The following NINL variants were observed in gnomAD, a reference collection of about 807,000 sequenced individuals.
The protein encoded by NINL is ninein-like protein.
NINL carries 153 observed loss-of-function variants against 160.3 expected under a neutral mutation model. That is an observed-to-expected ratio of 0.95 (90% CI 0.84 to 1.09). The LOEUF (loss-of-function observed/expected upper bound fraction) is 1.09. Ranked by LOEUF, NINL falls within the 50% of genes least tolerant of loss-of-function variation. NINL has a pLI of 0.00. For synonymous variants in NINL, 800 were observed against 734.8 expected (o/e 1.09, Z -1.43); for missense variants, 1,829 against 1,764.0 (o/e 1.04, Z -0.66).
intron 1 of NINL, among the ~76,000 whole-genome samples, chr20:25,537,641 C>T (rs1479204423): frequency 6.6e-6 from 1 of 152,204 alleles, no homozygotes; most frequent in Non-Finnish European, 1.5e-5. Context: ...TCAGGTAGCA[C>T]CACCCTCTGT....
In NINL at chr20:25,561,927, C is replaced by T. The variant is rs1451789415; in HGVS notation, c.-12+23528G>A. ...GGGGGTCAGCCCCCGCCAGGCCAGC[C>T]GCCCCGTCCGGGAGGGAGGTGGGGG... On this transcript the variant is annotated intron_variant, in intron 1 of 23. Transcript: ENST00000278886. 4.4e-4 allele frequency among the ~76,000 whole-genome samples: 66 copies of T among 150,734 alleles called. 1 individual carries two copies. Among genetic ancestry groups the T allele is most frequent in the Middle Eastern group, 3.5e-3 (1 of 286 alleles).
rs78850668 is a variant in NINL at position 25,560,859 on chromosome 20, G to A, written c.-12+24596C>T. ...CAAAGATAGTAAAAATATCTTTCACGAATTAAGGTGAAAGAAAGACATTCT... is the reference window on the plus strand; with the variant it reads ...CAAAGATAGTAAAAATATCTTTCACAAATTAAGGTGAAAGAAAGACATTCT... On this transcript the variant is annotated intron_variant, in intron 1 of 23. Transcript: ENST00000278886. Among the ~76,000 whole-genome samples the A allele has an allele frequency of 5.1e-4, 77 of 151,990 alleles. No individual in the cohort carries two copies. The East Asian group carries it at 7.1e-3, about 14-fold the overall frequency.
At chr20:25,461,835 G>T (rs1352142749) in intron 20 of NINL, among the ~76,000 whole-genome samples, 200 bp from the exon 21 acceptor site, 3 of 152,206 alleles carry the variant, frequency 2.0e-5, no homozygotes, top group Non-Finnish European at 2.9e-5. Context: ...TCCCTGGTGA[G>T]ACAGTGTCAG....
intron 1 of NINL, among the ~76,000 whole-genome samples, chr20:25,540,835 G>A (rs1320061955): frequency 6.6e-6 from 1 of 151,876 alleles, no homozygotes; most frequent in African/African-American, 2.4e-5. Context: ...CGCTTTAAGT[G>A]TTTTCATGGT....
rs200776600 is a variant in NINL, at chr20:25,573,071, C to T, written c.-12+12384G>A. ...CAGCACTTTGGGAGGCCGAGGCGGG[C>T]GGATCACCTGAGGTCTGAAGTTCCA... On this transcript the variant is annotated intron_variant, in intron 1 of 23. Transcript: ENST00000278886. Among the ~76,000 whole-genome samples, 42 of 152,112 alleles carry T rather than the reference C, an allele frequency of 2.8e-4. No homozygotes were observed. In the East Asian group the frequency reaches 5.8e-3, roughly 21 times the overall value.
intron 1 of NINL, among the ~76,000 whole-genome samples, chr20:25,531,686 G>GT (rs2064466996): frequency 6.6e-6 from 1 of 152,170 alleles, no homozygotes; most frequent in South Asian, 2.1e-4. Flanking sequence ...GCTCTGAAAG[G>GT]TATGAACCAA....
chr20:25,581,508 G>A (rs974334681), intron 1 of NINL, among the ~76,000 whole-genome samples: 2 of 151,224 alleles, frequency 1.3e-5, no homozygotes, highest in African/African-American at 4.9e-5. Context: ...ACAGAGCCCC[G>A]CTCACATGCT....
rs199918623 is a variant in NINL at position 25,461,509 on chromosome 20, C to T, written c.3696+13G>A. The T allele has an allele frequency of 1.9e-5, 28 of 1,502,086 alleles. No individual in the cohort carries two copies. The highest frequency in any genetic ancestry group is 1.3e-4 in the Admixed American group (6 of 45,778). The allele number at this position is 1,502,086 out of a possible 1,614,324, so 93.0% of individuals were successfully genotyped here. A position where few individuals can be genotyped will look rare whatever the true frequency, so the allele number is the denominator to read the frequency against. ...GACTGGACCCAGTGCCTCCAGCCAT[C>T]GCTCACACCCACCTGGTCTTGACTT... On this transcript the variant is annotated intron_variant, in intron 21 of 23. Coordinates refer to ENST00000278886, the MANE Select transcript of NINL (RefSeq NM_025176.6).
At chr20:25,568,217 T>C (rs985884940) in intron 1 of NINL, among the ~76,000 whole-genome samples, 1 of 143,732 alleles carries the variant, frequency 7.0e-6, no homozygotes, top group Non-Finnish European at 1.5e-5. Flanking sequence ...TTACAAATTT[T>C]CATTTGTCAG....
In NINL at chr20:25,498,331, C is replaced by T. The variant is rs754765074; in HGVS notation, c.1048G>A (p.Val350Met). Residue 350 changes from valine (V) to methionine (M), a missense_variant, in exon 9 of 24, where the codon GTG (valine) becomes ATG (methionine). Physicochemically the swap from Val to Met is conservative, Grantham distance 21 (BLOSUM62 1). Coordinates refer to ENST00000278886, the MANE Select transcript of NINL (RefSeq NM_025176.6). ...TCCAGAAGGTTCACCTTCTCGTCCA[C>T]GCTGAAGTCCAGGCTCTGGAAGCAG... ...REILQSLDFS[V>M]DEKVNLLELT... The T allele has an allele frequency of 2.9e-5, 46 of 1,612,762 alleles. 1 individual carries two copies. Among genetic ancestry groups the T allele is most frequent in the Admixed American group, 8.3e-5 (5 of 60,004 alleles).
At chr20:25,480,094 C>A in intron 15 of NINL, 67 bp downstream of exon 15, 1 of 1,159,780 alleles carries the variant, frequency 8.6e-7, no homozygotes, top group Non-Finnish European at 1.3e-6. Context: ...GTCAGCGTGC[C>A]CAAGTAAAGC....
chr20:25,476,636 T>G lies in NINL; in HGVS notation c.2655A>C (p.Thr885=), dbSNP rs1189670255. 4.4e-6 allele frequency: 7 copies of G among 1,592,156 alleles called. No individual in the cohort carries two copies. Among genetic ancestry groups the G allele is most frequent in the Non-Finnish European group, 4.3e-6 (5 of 1,175,828 alleles). The change falls in exon 17 of 24, where the codon ACA becomes ACC. Residue 885 remains threonine (T), a synonymous_variant. Transcript: ENST00000278886. ...AGPRRRQAQD[T]EATQSPAPAP... ...CGGGGGCCGGGCTCTGCGTAGCTTC[T>G]GTGTCCTGGGCTTGCCTGCGGCGAG...
intron 1 of NINL, among the ~76,000 whole-genome samples, chr20:25,555,252 A>G (rs2064852616): frequency 6.6e-6 from 1 of 152,180 alleles, no homozygotes; most frequent in African/African-American, 2.4e-5. Context: ...CATGGCTCTC[A>G]GGCACCTCTT....
At chr20:25,479,805 G>A (rs2063348806) in intron 15 of NINL, among the ~76,000 whole-genome samples, 1 of 152,216 alleles carries the variant, frequency 6.6e-6, no homozygotes, top group Non-Finnish European at 1.5e-5. Context: ...TACCCAGGGG[G>A]CAAATGCCAG....
At chr20:25,553,104 GTTTTTT>G (rs3036846) in intron 1 of NINL, among the ~76,000 whole-genome samples, 13 of 100,120 alleles carry the variant, frequency 1.3e-4, no homozygotes, top group Non-Finnish European at 2.2e-4. Context: ...CCCTTGTTGG[GTTTTTT>G]TTTTTTTTTT....
intron 13 of NINL, among the ~76,000 whole-genome samples, 170 bp from the exon 14 acceptor site, chr20:25,482,270 A>G (rs1212651247): frequency 6.6e-6 from 1 of 152,218 alleles, no homozygotes; most frequent in African/African-American, 2.4e-5. Flanking sequence ...AGTCGCTAAC[A>G]TCATGGTGAG....
intron 5 of NINL, chr20:25,509,791 TAGGATTCATAATTA>T: frequency 4.5e-6 from 2 of 439,892 alleles, no homozygotes; most frequent in South Asian, 3.3e-5. Flanking sequence ...CAAAATACTC[TAGGATTCATAATTA>T]ATATATTTGT....
intron 1 of NINL, among the ~76,000 whole-genome samples, chr20:25,538,190 C>T (rs1158758761): frequency 6.6e-6 from 1 of 152,182 alleles, no homozygotes. Flanking sequence ...ACCTCAGGCA[C>T]TGTCCTGAGA....
chr20:25,468,197 G>A (rs2062964095), intron 18 of NINL, among the ~76,000 whole-genome samples: 1 of 133,512 alleles, frequency 7.5e-6, no homozygotes, highest in African/African-American at 2.6e-5. Flanking sequence ...TGCACTGAGG[G>A]GACACTCCTG....
Sources: allele counts gnomAD v4.1 joint callset (sites outside exome capture counted in the v4.1 genomes callset), GRCh38; gene constraint gnomAD v4.1.1; transcripts MANE v1.5; gene names NCBI Gene and HGNC (gene_info 2026-07-23, HGNC 2026-07-21).